The following ZNF438 variants were observed in gnomAD, a reference collection of about 807,000 sequenced individuals.
The protein encoded by ZNF438 is zinc finger protein 438.
In ZNF438, 25 loss-of-function variants were observed where a neutral mutation model predicts 38.0. The observed-to-expected ratio is 0.66, with a 90% CI of 0.48 to 0.92. The LOEUF (loss-of-function observed/expected upper bound fraction) is 0.92. Ranked by LOEUF, ZNF438 falls within the 40% of genes least tolerant of loss-of-function variation. ZNF438 has a pLI of 0.00. For synonymous variants in ZNF438, 372 were observed against 364.1 expected (o/e 1.02, Z -0.25); for missense variants, 1,007 against 999.6 (o/e 1.01, Z -0.10).
At chr10:30,983,611 A>G (rs530687969) in intron 1 of ZNF438, among the ~76,000 whole-genome samples, 4 of 152,360 alleles carry the variant, frequency 2.6e-5, no homozygotes, top group Admixed American at 1.3e-4. Context: ...TCCAAAGCAT[A>G]TCACCAATGT....
intron 1 of ZNF438, among the ~76,000 whole-genome samples, chr10:30,982,252 C>T (rs1184594443): frequency 6.6e-6 from 1 of 152,056 alleles, no homozygotes; most frequent in East Asian, 1.9e-4. Flanking sequence ...CAGGCACCTG[C>T]CACCACGCCT....
exon 5 of ZNF438, chr10:30,849,512 G>A: frequency 1.2e-6 from 2 of 1,614,238 alleles, no homozygotes; most frequent in Non-Finnish European, 1.7e-6. Flanking sequence ...CTTCATTCTT[G>A]AGTAGGGTGG....
exon 6 of ZNF438, chr10:30,845,454 T>C: frequency 6.2e-7 from 1 of 1,614,116 alleles, no homozygotes; most frequent in Non-Finnish European, 8.5e-7. Context: ...ATCAAGTAAA[T>C]GAAATTTTAT....
At chr10:30,890,068 T>C (rs933074304) in intron 3 of ZNF438, among the ~76,000 whole-genome samples, 11 of 143,942 alleles carry the variant, frequency 7.6e-5, no homozygotes, top group East Asian at 4.1e-4. Context: ...AAGGTTTTAT[T>C]ATCTTTGGCA....
chr10:30,939,615 G>A (rs1056540997), intron 2 of ZNF438, among the ~76,000 whole-genome samples: 1 of 152,112 alleles, frequency 6.6e-6, no homozygotes, highest in African/African-American at 2.4e-5. Flanking sequence ...CTCAATTTAG[G>A]TGACATGAGA....
At chr10:30,994,028 G>T (rs1251743088) in intron 1 of ZNF438, among the ~76,000 whole-genome samples, 1 of 152,128 alleles carries the variant, frequency 6.6e-6, no homozygotes, top group Non-Finnish European at 1.5e-5. Context: ...TCTGTCCTAC[G>T]CCTGCTCCAC....
intron 4 of ZNF438, among the ~76,000 whole-genome samples, chr10:30,857,966 T>C (rs779214958): frequency 2.8e-4 from 42 of 152,258 alleles, no homozygotes; most frequent in Admixed American, 2.2e-3. Flanking sequence ...CTGATGTCCA[T>C]TGGCAGAACC....
At chr10:30,999,899 A>C (rs1361553704) in intron 1 of ZNF438, among the ~76,000 whole-genome samples, 1 of 152,184 alleles carries the variant, frequency 6.6e-6, no homozygotes, top group Non-Finnish European at 1.5e-5. Context: ...GCTGGTTTAT[A>C]GTCACTTAAA....
chr10:30,891,635 CACTA>C (rs1437120280), intron 3 of ZNF438, among the ~76,000 whole-genome samples: 1 of 152,098 alleles, frequency 6.6e-6, no homozygotes, highest in African/African-American at 2.4e-5. Context: ...TATTAAGTTT[CACTA>C]ACTAAAGACA....
At chr10:30,899,967 G>T (rs925406986) in intron 3 of ZNF438, among the ~76,000 whole-genome samples, 2 of 152,140 alleles carry the variant, frequency 1.3e-5, no homozygotes, top group African/African-American at 4.8e-5. Context: ...TAAAAAGTAG[G>T]CATTCACTCT....
At chr10:30,859,922 G>A (rs1005633340) in intron 4 of ZNF438, among the ~76,000 whole-genome samples, 2 of 152,224 alleles carry the variant, frequency 1.3e-5, no homozygotes, top group East Asian at 1.9e-4. Flanking sequence ...GCTATTACTT[G>A]TGCTGGCCTC....
At chr10:30,937,175 G>T (rs1162945676) in intron 2 of ZNF438, among the ~76,000 whole-genome samples, 1 of 152,142 alleles carries the variant, frequency 6.6e-6, no homozygotes, top group African/African-American at 2.4e-5. Flanking sequence ...GCAGGGGATG[G>T]GCCCAAATGG....
At chr10:30,881,105 T>C (rs530084882) in intron 3 of ZNF438, among the ~76,000 whole-genome samples, 42 of 152,276 alleles carry the variant, frequency 2.8e-4, no homozygotes, top group Admixed American at 1.2e-3. Flanking sequence ...TCTCACCACT[T>C]CTATTCAACC....
chr10:30,870,633 C>T (rs1034682185), intron 4 of ZNF438, among the ~76,000 whole-genome samples: 10 of 151,968 alleles, frequency 6.6e-5, no homozygotes, highest in African/African-American at 2.2e-4. Context: ...AAAAATTAAC[C>T]CTGTCTATTA....
intron 5 of ZNF438, among the ~76,000 whole-genome samples, chr10:30,847,945 AGTGG>A (rs1488116829): frequency 2.0e-5 from 3 of 152,196 alleles, no homozygotes; most frequent in Non-Finnish European, 2.9e-5. Context: ...CTAGGTTCCA[AGTGG>A]GTGGAACGAG....
intron 4 of ZNF438, 147 bp from the exon 6 acceptor site, chr10:30,850,514 G>T: frequency 1.2e-6 from 1 of 826,280 alleles, no homozygotes; most frequent in Non-Finnish European, 1.8e-6. Flanking sequence ...TGTCCCTCAA[G>T]ACCAGCTTGA....
Position 30,959,870 on chromosome 10 carries a change from G to A in ZNF438, c.-191-18219C>T. Among the ~76,000 whole-genome samples, 2 of 147,304 alleles carry A rather than the reference G, an allele frequency of 1.4e-5. 1 individual carries two copies. The highest frequency in any genetic ancestry group is 3.1e-5 in the Non-Finnish European group (2 of 64,990). ...AATAGCCAAACTATTTTCCAAAGTG[G>A]TTATAACAATTTACATTCCTACCAA... is the stretch of plus-strand genomic sequence containing the variant. On this transcript the variant is annotated intron_variant, in intron 1 of 5. Coordinates refer to ENST00000413025, the Ensembl canonical transcript of ZNF438.
chr10:30,974,598 T>C (rs911829697), intron 1 of ZNF438, among the ~76,000 whole-genome samples: 2 of 152,214 alleles, frequency 1.3e-5, no homozygotes, highest in Non-Finnish European at 2.9e-5. Context: ...ACTTACCTAA[T>C]ACGAAGTCAG....
chr10:30,951,740 A>T (rs2048226340), intron 1 of ZNF438, among the ~76,000 whole-genome samples: 1 of 150,108 alleles, frequency 6.7e-6, no homozygotes, highest in Admixed American at 6.7e-5. Flanking sequence ...CTGCTCAATG[A>T]AATAAAAGAG....
Sources: allele counts gnomAD v4.1 joint callset (sites outside exome capture counted in the v4.1 genomes callset), GRCh38; gene constraint gnomAD v4.1.1; transcripts MANE v1.5; gene names NCBI Gene and HGNC (gene_info 2026-07-23, HGNC 2026-07-21).